The following EIF3I variants were observed in gnomAD, a reference collection of about 807,000 sequenced individuals.
The protein encoded by EIF3I is TGF-beta receptor-interacting protein 1.
Under a neutral mutation model 43.3 loss-of-function variants are expected in EIF3I, and 20 were observed. The observed-to-expected ratio is 0.46, with a 90% CI of 0.32 to 0.67. The LOEUF is 0.67. EIF3I is among the 30% of genes least tolerant of loss of function. The pLI, the probability that EIF3I is intolerant of heterozygous loss-of-function variation, is 0.03. For missense variants in EIF3I, 279 were observed against 421.4 expected, an observed-to-expected ratio of 0.66 and a Z score of 2.96; for synonymous variants, 167 against 151.7, an observed-to-expected ratio of 1.10 and a Z score of -0.74.
intron 2 of EIF3I, 143 bp downstream of exon 2, chr1:32,222,773 G>A: frequency 1.2e-6 from 1 of 812,172 alleles, no homozygotes; most frequent in Non-Finnish European, 2.0e-6. Flanking sequence ...GGGGTAGGTT[G>A]GCGAAAGTAT....
intron 4 of EIF3I, among the ~76,000 whole-genome samples, chr1:32,225,104 G>A (rs561616717): frequency 2.0e-5 from 3 of 152,060 alleles, no homozygotes; most frequent in Admixed American, 2.0e-4. Flanking sequence ...AAAGTGCTGG[G>A]ATTACAGGCA....
At position 32,229,300 on chromosome 1, in the gene EIF3I, G is replaced by T. The variant is rs1354132878; in HGVS notation, c.803+92G>T. The T allele has an allele frequency of 9.5e-6, 13 of 1,367,102 alleles. No individual in the cohort carries two copies. The Admixed American group carries it at 2.4e-4, about 25-fold the overall frequency. The allele number at this position is 1,367,102 out of a possible 1,614,324, so 84.7% of individuals were successfully genotyped here. On this transcript the variant is annotated intron_variant, in intron 9 of 11. Transcript: ENST00000676679. ...TTTTGAGATGGAGTCTCGCTCTGTCGCCTAGGCTGGAGCGCAGTGGCGTGA... is the reference window on the plus strand; with the variant it reads ...TTTTGAGATGGAGTCTCGCTCTGTCTCCTAGGCTGGAGCGCAGTGGCGTGA...
downstream of EIF3I, chr1:32,235,148 C>A (rs1026091778): frequency 1.3e-5 from 2 of 152,650 alleles, no homozygotes; most frequent in Admixed American, 1.3e-4. Flanking sequence ...TTTTCCAGCT[C>A]AAGCCCTTGC....
At chr1:32,228,314 A>G (rs1639179396) in intron 6 of EIF3I, among the ~76,000 whole-genome samples, 185 bp from the exon 7 acceptor site, 1 of 152,200 alleles carries the variant, frequency 6.6e-6, no homozygotes, top group African/African-American at 2.4e-5. Context: ...GAACTAGCCA[A>G]TAGGCATAGG....
intron 6 of EIF3I, among the ~76,000 whole-genome samples, 189 bp downstream of exon 6, chr1:32,226,719 A>G (rs1474800039): frequency 1.3e-5 from 2 of 149,150 alleles, no homozygotes; most frequent in South Asian, 2.1e-4. Context: ...GGTGCATGCC[A>G]CCGCACCTGG....
At chr1:32,226,823 G>GTT (rs1557555140) in intron 6 of EIF3I, among the ~76,000 whole-genome samples, 1 of 115,696 alleles carries the variant, frequency 8.6e-6, no homozygotes, top group African/African-American at 3.5e-5. Flanking sequence ...ACCGCTCGTG[G>GTT]CTTTTTTTTT....
exon 2 of EIF3I, chr1:32,222,539 A>G (rs778279137): frequency 3.7e-6 from 6 of 1,614,108 alleles, no homozygotes; most frequent in Non-Finnish European, 5.1e-6. Context: ...TCCCCACAGA[A>G]GCCGATCCTA....
chr1:32,227,662 G>C (rs1639168414), intron 6 of EIF3I, among the ~76,000 whole-genome samples: 1 of 152,142 alleles, frequency 6.6e-6, no homozygotes. Flanking sequence ...TTGGTCCCAG[G>C]TACTCAGGAT....
intron 9 of EIF3I, among the ~76,000 whole-genome samples, chr1:32,229,559 T>TCTATGTCCAAA (rs1639202346): frequency 6.7e-6 from 1 of 148,336 alleles, no homozygotes; most frequent in African/African-American, 2.5e-5. Flanking sequence ...TTTTTTTTTT[T>TCTATGTCCAAA]TTTTTTTTTG....
At chr1:32,229,990 C>T (rs997782075) in intron 9 of EIF3I, among the ~76,000 whole-genome samples, 3 of 152,206 alleles carry the variant, frequency 2.0e-5, no homozygotes, top group African/African-American at 7.2e-5. Flanking sequence ...ACATAGTAGG[C>T]ACTCTATAAG....
At chr1:32,222,602 A>T in exon 2 of EIF3I, 1 of 1,613,826 alleles carries the variant, frequency 6.2e-7, no homozygotes, top group African/African-American at 1.3e-5. Context: ...CGCGAAGGAG[A>T]CCTCCTCTTT....
At chr1:32,228,916 T>C in intron 8 of EIF3I, 100 bp downstream of exon 8, 1 of 1,174,116 alleles carries the variant, frequency 8.5e-7, no homozygotes, top group South Asian at 1.4e-5. Context: ...GGGGAAATGA[T>C]GTCAGGCAGA....
intron 11 of EIF3I, 28 bp downstream of exon 10, chr1:32,231,047 A>C (rs749812778): frequency 6.2e-7 from 1 of 1,613,568 alleles, no homozygotes; most frequent in South Asian, 1.1e-5. Context: ...CAGCTGACCT[A>C]AGCCTGGGTT....
At chr1:32,226,240 T>A in exon 5 of EIF3I, 2 of 1,614,044 alleles carry the variant, frequency 1.2e-6, no homozygotes, top group Non-Finnish European at 1.7e-6. Context: ...GGGGGCAACA[T>A]CATCATGTTC....
downstream of EIF3I, chr1:32,234,186 T>C (rs1237316278): frequency 6.6e-6 from 1 of 151,790 alleles, no homozygotes; most frequent in Admixed American, 6.6e-5. Flanking sequence ...TAATCCCAGC[T>C]ACTCGGGAGG....
chr1:32,232,687 C>T (rs769109921), downstream of EIF3I, among the ~76,000 whole-genome samples: 9 of 152,004 alleles, frequency 5.9e-5, no homozygotes, highest in Admixed American at 1.3e-4. Flanking sequence ...TGGATGAAGA[C>T]GGGGGGAGGG....
chr1:32,231,128 G>A, exon 12 of EIF3I: 2 of 1,614,112 alleles, frequency 1.2e-6, no homozygotes, highest in Non-Finnish European at 1.7e-6. Context: ...CAGCAGCGGC[G>A]GCGAAGATGG....
chr1:32,222,954 A>G (rs1639052733), intron 2 of EIF3I, among the ~76,000 whole-genome samples: 2 of 152,152 alleles, frequency 1.3e-5, no homozygotes, highest in Non-Finnish European at 2.9e-5. Flanking sequence ...TTAGCCTGAC[A>G]TGGTGGCCTC....
intron 4 of EIF3I, 139 bp downstream of exon 4, chr1:32,224,614 T>C: frequency 3.3e-6 from 2 of 598,104 alleles, no homozygotes; most frequent in Non-Finnish European, 5.9e-6. Context: ...GAAAGATAGA[T>C]GAGAAAATAC....
Sources: gnomAD v4.1 joint callset for allele counts (sites outside exome capture counted in the v4.1 genomes callset) on GRCh38, gnomAD v4.1.1 for gene constraint, MANE v1.5 for transcripts, NCBI Gene and HGNC (gene_info 2026-07-23, HGNC 2026-07-21) for gene names.